The following CNTNAP2 variants were observed in gnomAD, a reference collection of about 807,000 sequenced individuals.
The protein encoded by CNTNAP2 is contactin associated protein 2.
A neutral mutation model predicts 155.2 loss-of-function variants in CNTNAP2; 98 were observed. That is an observed-to-expected ratio of 0.63 (90% CI 0.54 to 0.75). The LOEUF is 0.75. CNTNAP2 is among the 30% of genes least tolerant of loss of function. CNTNAP2 has a pLI of 0.00. For missense variants in CNTNAP2, 1,727 were observed against 1,688.1 expected (o/e 1.02, Z -0.40); for synonymous variants, 651 against 631.2 (o/e 1.03, Z -0.47).
chr7:147,739,762 A>G (rs1435436503), intron 13 of CNTNAP2, among the ~76,000 whole-genome samples: 2 of 152,140 alleles, frequency 1.3e-5, no homozygotes, highest in Admixed American at 1.3e-4. Flanking sequence ...TTCTATAATA[A>G]AATGTATCAT....
chr7:148,125,556 G>A (rs946320051), intron 16 of CNTNAP2, among the ~76,000 whole-genome samples: 20 of 151,786 alleles, frequency 1.3e-4, no homozygotes, highest in African/African-American at 4.8e-4. Context: ...TTGCTGCAAA[G>A]GACATTATCT....
At chr7:146,430,363 G>A (rs1796157522) in intron 1 of CNTNAP2, among the ~76,000 whole-genome samples, 1 of 151,920 alleles carries the variant, frequency 6.6e-6, no homozygotes, top group Non-Finnish European at 1.5e-5. Context: ...TGGAACTGGA[G>A]TATCTTACAG....
rs537882164 is a variant in CNTNAP2 at position 147,028,447 on chromosome 7, G to A, written c.403-15460G>A. 4.7e-4 allele frequency among the ~76,000 whole-genome samples: 72 copies of A among 152,230 alleles called. 1 individual carries two copies. Among genetic ancestry groups the A allele is most frequent in the Non-Finnish European group, 8.5e-4 (58 of 68,014 alleles). On this transcript the variant is annotated intron_variant, in intron 3 of 23. Transcript: ENST00000361727. The stretch of plus-strand genomic sequence containing the variant: ...TTTTTCTCTGAAATCAAGACTTTAG[G>A]CTTGTTTCATTAAAAGAGTTGAGGC...
chr7:147,122,586 A>G (rs556034685), intron 6 of CNTNAP2: 1 of 152,340 alleles, frequency 6.6e-6, no homozygotes, highest in African/African-American at 2.4e-5. Context: ...CTTTTACTCT[A>G]CATGATACTC....
chr7:148,137,897 A>T (rs545896981), intron 16 of CNTNAP2, among the ~76,000 whole-genome samples: 9 of 152,332 alleles, frequency 5.9e-5, no homozygotes, highest in Admixed American at 5.9e-4. Context: ...ATCTCTTTTT[A>T]TACTCTGAGC....
chr7:147,054,850 G>A (rs943922134), intron 4 of CNTNAP2, among the ~76,000 whole-genome samples: 3 of 152,026 alleles, frequency 2.0e-5, no homozygotes, highest in African/African-American at 7.2e-5. Context: ...ATCTTTTATA[G>A]TTAGACTTGA....
chr7:146,313,842 C>T (rs1259423577), intron 1 of CNTNAP2, among the ~76,000 whole-genome samples: 1 of 151,942 alleles, frequency 6.6e-6, no homozygotes, highest in Non-Finnish European at 1.5e-5. Context: ...CTACTAAGAA[C>T]ACAAAAATTA....
intron 18 of CNTNAP2, among the ~76,000 whole-genome samples, chr7:148,180,567 A>G (rs1419978658): frequency 6.6e-6 from 1 of 152,094 alleles, no homozygotes; most frequent in African/African-American, 2.4e-5. Context: ...AAACAAATTG[A>G]ATAGGGACTT....
At chr7:146,441,908 G>T (rs1188678716) in intron 1 of CNTNAP2, among the ~76,000 whole-genome samples, 1 of 151,596 alleles carries the variant, frequency 6.6e-6, no homozygotes, top group Non-Finnish European at 1.5e-5. Context: ...AACATGTAAA[G>T]ATATTAATTT....
chr7:147,575,370 G>GA (rs1293207465), intron 12 of CNTNAP2, among the ~76,000 whole-genome samples: 3 of 97,082 alleles, frequency 3.1e-5, no homozygotes, highest in African/African-American at 1.5e-4. Flanking sequence ...CTAGCTTTAG[G>GA]GGTGTGTGTG....
rs190704524 is a variant in CNTNAP2, at chr7:146,409,343, C to T, written c.97+292370C>T. ...TGAAATCACCTAAAAACTAGCCAAT[C>T]GCTTAAAAAGAAAACAAATTTTAAA... On this transcript the variant is annotated intron_variant, in intron 1 of 23. Transcript: ENST00000361727. Among the ~76,000 whole-genome samples, 419 of 152,094 alleles carry T rather than the reference C, an allele frequency of 2.8e-3. 3 individuals carry two copies. Among genetic ancestry groups the T allele is most frequent in the African/African-American group, 9.9e-3 (409 of 41,508 alleles).
chr7:147,918,857 C>T (rs1342908019), intron 14 of CNTNAP2, among the ~76,000 whole-genome samples: 1 of 152,138 alleles, frequency 6.6e-6, no homozygotes, highest in Non-Finnish European at 1.5e-5. Flanking sequence ...TAATGGCCCC[C>T]AAGATGTTCA....
intron 11 of CNTNAP2, among the ~76,000 whole-genome samples, chr7:147,502,765 AATC>A (rs949757570): frequency 2.0e-5 from 3 of 151,200 alleles, no homozygotes; most frequent in East Asian, 2.0e-4. Flanking sequence ...ATATAAAACA[AATC>A]ATCATGTTGT....
chr7:146,425,888 TA>T (rs1025634981), intron 1 of CNTNAP2, among the ~76,000 whole-genome samples: 8 of 151,482 alleles, frequency 5.3e-5, no homozygotes, highest in African/African-American at 1.9e-4. Context: ...AATTAAAAGT[TA>T]AAAAAACAAA....
intron 14 of CNTNAP2, among the ~76,000 whole-genome samples, chr7:147,957,543 C>T (rs981571779): frequency 1.3e-5 from 2 of 152,040 alleles, no homozygotes; most frequent in Middle Eastern, 3.4e-3. Context: ...GAAGTGCAAT[C>T]GGATGAAAAA....
intron 17 of CNTNAP2, among the ~76,000 whole-genome samples, chr7:148,151,399 A>G (rs1805292967): frequency 6.6e-6 from 1 of 152,044 alleles, no homozygotes; most frequent in Non-Finnish European, 1.5e-5. Flanking sequence ...TCTGCCTCCC[A>G]GGTTCAAGTG....
chr7:147,264,444 G>A (rs192343309), intron 8 of CNTNAP2, among the ~76,000 whole-genome samples: 1 of 152,054 alleles, frequency 6.6e-6, no homozygotes, highest in Admixed American at 6.5e-5. Flanking sequence ...CTAAGGGGAA[G>A]TGGGATAAAA....
At chr7:148,391,107 A>ATGAT (rs1799337131) in intron 22 of CNTNAP2, among the ~76,000 whole-genome samples, 1 of 152,202 alleles carries the variant, frequency 6.6e-6, no homozygotes, top group African/African-American at 2.4e-5. Flanking sequence ...CACCTCTCCC[A>ATGAT]TGATTGTATT....
At chr7:148,040,908 G>A (rs971896779) in intron 15 of CNTNAP2, among the ~76,000 whole-genome samples, 3 of 152,056 alleles carry the variant, frequency 2.0e-5, no homozygotes. Context: ...TTGGGATGCT[G>A]AGGCAGGAGG....
Sources: allele counts gnomAD v4.1 joint callset (sites outside exome capture counted in the v4.1 genomes callset), GRCh38; gene constraint gnomAD v4.1.1; transcripts MANE v1.5; gene names NCBI Gene and HGNC (gene_info 2026-07-23, HGNC 2026-07-21).